Variants in MYO1H observed in about 807,000 individuals in gnomAD.
MYO1H encodes the protein unconventional myosin-Ih.
Under a neutral mutation model 149.3 loss-of-function variants are expected in MYO1H, and 118 were observed. The ratio of observed to expected loss-of-function variants is 0.79; its 90% CI spans 0.68 to 0.92. The LOEUF is 0.92. Ranked by LOEUF, MYO1H falls within the 40% of genes least tolerant of loss-of-function variation. The pLI is 0.00. For missense variants in MYO1H, 1,212 were observed against 1,280.7 expected, an observed-to-expected ratio of 0.95 and a Z score of 0.82; for synonymous variants, 447 against 465.2, an observed-to-expected ratio of 0.96 and a Z score of 0.50.
intron 2 of MYO1H, among the ~76,000 whole-genome samples, chr12:109,391,351 A>T (rs1024235755): frequency 6.6e-6 from 1 of 152,098 alleles, no homozygotes; most frequent in Non-Finnish European, 1.5e-5. Flanking sequence ...CTGTTCCTGC[A>T]TTAGTTTGCT....
chr12:109,311,264 AAGAC>A, the MYO1H span, among the ~76,000 whole-genome samples: 1 of 152,208 alleles, frequency 6.6e-6, no homozygotes, highest in Admixed American at 6.5e-5. Context: ...CCTTCACTAA[AAGAC>A]AGCCCCTCCC....
At position 109,443,268 on chromosome 12, in the gene MYO1H, G is replaced by GTGTGTGTATATGTGTACGTATA. The variant is rs1566045308; in HGVS notation, c.2689-244_2689-223dup. On this transcript the variant is annotated intron_variant, in intron 27 of 31. Transcript: ENST00000310903. ...TGTGTGTGTATATGTGTACGTATAT[G>GTGTGTGTATATGTGTACGTATA]TGTGTGTATATGTGTACGTATATAT... Among the ~76,000 whole-genome samples, 9 of 136,796 alleles carry GTGTGTGTATATGTGTACGTATA rather than the reference G, an allele frequency of 6.6e-5. 2 individuals carry two copies. The highest frequency in any genetic ancestry group is 1.4e-4 in the African/African-American group (5 of 36,912). The allele number at this position is 136,796 out of a possible 152,430, so 89.7% of individuals were successfully genotyped here. A position where few individuals can be genotyped will look rare whatever the true frequency, so the allele number is the denominator to read the frequency against.
intron 1 of MYO1H, among the ~76,000 whole-genome samples, chr12:109,372,634 A>G (rs937900671): frequency 6.6e-6 from 1 of 152,080 alleles, no homozygotes; most frequent in African/African-American, 2.4e-5. Context: ...TTAAAGACAT[A>G]TGTCATCATG....
the MYO1H span, among the ~76,000 whole-genome samples, chr12:109,337,988 G>A: frequency 5.8e-4 from 88 of 152,016 alleles, no homozygotes; most frequent in Non-Finnish European, 1.8e-4. Flanking sequence ...CAAGGGTTTA[G>A]TTTAGGGGTT....
chr12:109,385,780 C>T (rs1869293185), intron 1 of MYO1H, among the ~76,000 whole-genome samples: 1 of 152,040 alleles, frequency 6.6e-6, no homozygotes, highest in Admixed American at 6.6e-5. Flanking sequence ...TCATAAATCC[C>T]CCTCTACCCA....
chr12:109,432,616 A>G (rs1871680304), intron 19 of MYO1H, among the ~76,000 whole-genome samples: 1 of 152,166 alleles, frequency 6.6e-6, no homozygotes, highest in Non-Finnish European at 1.5e-5. Context: ...TTGGACAGAT[A>G]CCTAGGAGTG....
the MYO1H span, among the ~76,000 whole-genome samples, chr12:109,312,428 G>A: frequency 2.0e-5 from 3 of 151,132 alleles, no homozygotes; most frequent in African/African-American, 7.4e-5. Flanking sequence ...GTAGAGACGG[G>A]GTTTCACTGT....
the MYO1H span, among the ~76,000 whole-genome samples, chr12:109,317,672 A>G: frequency 6.6e-6 from 1 of 152,224 alleles, no homozygotes; most frequent in Non-Finnish European, 1.5e-5. Flanking sequence ...GGCTGAAGAC[A>G]GAGCTTTGTT....
At chr12:109,320,183 A>C in the MYO1H span, among the ~76,000 whole-genome samples, 1 of 151,752 alleles carries the variant, frequency 6.6e-6, no homozygotes, top group Non-Finnish European at 1.5e-5. Flanking sequence ...GCATGGTGGG[A>C]GGTTCCTGTA....
intron 16 of MYO1H, among the ~76,000 whole-genome samples, chr12:109,421,806 A>G (rs750971945): frequency 9.2e-5 from 14 of 152,056 alleles, no homozygotes; most frequent in Non-Finnish European, 5.9e-5. Flanking sequence ...TATCTCATCA[A>G]TCTGAGAAGT....
At position 109,396,599 on chromosome 12, in the gene MYO1H, G is replaced by T; in HGVS notation, c.489+17G>T. 1 of 1,598,064 alleles carries T rather than the reference G, an allele frequency of 6.3e-7. No individual in the cohort carries two copies. Among genetic ancestry groups the T allele is most frequent in the South Asian group, 1.1e-5 (1 of 88,202 alleles). ...GTGCTGGAGGTAAGCGATCTCTGGG[G>T]ACCAATCGAAGGGAGTTCCAGGGAG... On this transcript the variant is annotated intron_variant, in intron 4 of 31. Coordinates refer to ENST00000310903, the Ensembl canonical transcript of MYO1H.
the MYO1H span, among the ~76,000 whole-genome samples, chr12:109,317,710 G>T: frequency 6.6e-6 from 1 of 152,164 alleles, no homozygotes; most frequent in Non-Finnish European, 1.5e-5. Flanking sequence ...CCTCCACTCT[G>T]GTTTTAAGGC....
chr12:109,443,517 G>T, exon 28 of MYO1H: 3 of 1,613,594 alleles, frequency 1.9e-6, no homozygotes, highest in Non-Finnish European at 2.5e-6. Flanking sequence ...CTTGCAGTAT[G>T]GTGTCCCGGT....
At chr12:109,364,614 G>A (rs1868829194) in intron 1 of MYO1H, among the ~76,000 whole-genome samples, 1 of 152,018 alleles carries the variant, frequency 6.6e-6, no homozygotes, top group African/African-American at 2.4e-5. Flanking sequence ...AGAAAATATT[G>A]GTTACATAAT....
At chr12:109,318,960 G>GGTT in the MYO1H span, among the ~76,000 whole-genome samples, 32 of 77,940 alleles carry the variant, frequency 4.1e-4, no homozygotes, top group African/African-American at 2.0e-3. Flanking sequence ...AACTCTCTGC[G>GGTT]TTTTTGGTTT....
At chr12:109,434,426 G>T (rs2135593073) in intron 20 of MYO1H, among the ~76,000 whole-genome samples, 1 of 152,294 alleles carries the variant, frequency 6.6e-6, no homozygotes, top group South Asian at 2.1e-4. Context: ...CCTGGGAGAT[G>T]GGGGTTGCAG....
chr12:109,411,333 G>A (rs1213806052), intron 13 of MYO1H, among the ~76,000 whole-genome samples: 1 of 152,078 alleles, frequency 6.6e-6, no homozygotes, highest in African/African-American at 2.4e-5. Flanking sequence ...GAACTCCTGG[G>A]CTCAAGACAT....
intron 21 of MYO1H, among the ~76,000 whole-genome samples, 197 bp from the exon 22 acceptor site, chr12:109,436,291 G>A (rs753633393): frequency 3.9e-5 from 6 of 152,010 alleles, no homozygotes; most frequent in African/African-American, 7.3e-5. Context: ...TCCAGTTCCC[G>A]GGCAGCATCT....
Position 109,421,046 on chromosome 12 carries a change from T to A in MYO1H, c.1644+19T>A, listed in dbSNP as rs1871155860. ...GAAAGAAGTAAGTCTGACACTTAAC[T>A]GTATGTGTTTCTGATTATTTTGAAA... On this transcript the variant is annotated intron_variant, in intron 16 of 31. Coordinates refer to ENST00000310903, the Ensembl canonical transcript of MYO1H. The A allele has an allele frequency of 6.8e-7, 1 of 1,478,908 alleles. No individual in the cohort carries two copies. Among genetic ancestry groups the A allele is most frequent in the Admixed American group, 1.8e-5 (1 of 54,206 alleles). 91.6% of individuals were successfully genotyped at this position (1,478,908 alleles called of 1,614,324 possible).
Sources: gnomAD v4.1 joint callset for allele counts (sites outside exome capture counted in the v4.1 genomes callset) on GRCh38, gnomAD v4.1.1 for gene constraint, MANE v1.5 for transcripts, NCBI Gene and HGNC (gene_info 2026-07-23, HGNC 2026-07-21) for gene names.